The following PTPN14 variants were observed in gnomAD, a reference collection of about 807,000 sequenced individuals.
The protein encoded by PTPN14 is tyrosine-protein phosphatase non-receptor type 14.
A neutral mutation model predicts 126.8 loss-of-function variants in PTPN14; 53 were observed. The observed-to-expected ratio is 0.42, with a 90% confidence interval of 0.34 to 0.53. The LOEUF (loss-of-function observed/expected upper bound fraction) is 0.53, where lower values mean the gene tolerates loss of function less well. PTPN14 is among the 20% of genes least tolerant of loss of function. The pLI, the probability that PTPN14 is intolerant of heterozygous loss-of-function variation, is 0.08. For synonymous variants in PTPN14, 630 were observed against 599.3 expected, an observed-to-expected ratio of 1.05 and a Z score of -0.75; for missense variants, 1,257 against 1,552.9, an observed-to-expected ratio of 0.81 and a Z score of 3.20.
chr1:214,366,029 G>C (rs1160802232), intron 17 of PTPN14, among the ~76,000 whole-genome samples: 1 of 152,138 alleles, frequency 6.6e-6, no homozygotes, highest in African/African-American at 2.4e-5. Context: ...GTCGGATGTG[G>C]TGGCACGAGC....
intron 10 of PTPN14, among the ~76,000 whole-genome samples, chr1:214,392,646 G>A (rs1448157418): frequency 1.3e-5 from 2 of 152,142 alleles, no homozygotes; most frequent in Non-Finnish European, 2.9e-5. Context: ...AATGTGTCTA[G>A]AAGAAACGTA....
Position 214,383,788 on chromosome 1 carries a change from G to C in PTPN14, c.2067C>G (p.Leu689=). 1.2e-6 allele frequency: 2 copies of C among 1,612,982 alleles called. No homozygotes were observed. The highest frequency in any genetic ancestry group is 8.5e-7 in the Non-Finnish European group (1 of 1,180,030). Residue 689 remains leucine (L), a synonymous_variant, in exon 13 of 19, where the codon CTC becomes CTG. Transcript: ENST00000366956. The surrounding 1 kb of genome is among the most constrained non-coding windows in gnomAD (Gnocchi z 4.4). The stretch of plus-strand genomic sequence containing the variant: ...AGGTCTTCTTGTGGTGATACTGAGG[G>C]AGCTGGGGGACCTCGTGGCTGCCTG... ...EGSGSHEVPQ[L]PQYHHKKTFS...
intron 2 of PTPN14, among the ~76,000 whole-genome samples, chr1:214,462,576 C>T (rs1278755954): frequency 6.6e-6 from 1 of 152,214 alleles, no homozygotes; most frequent in Non-Finnish European, 1.5e-5. Context: ...TGTTCATCTT[C>T]CATCAACTCT....
intron 3 of PTPN14, among the ~76,000 whole-genome samples, chr1:214,424,780 C>T (rs1346126749): frequency 1.3e-5 from 2 of 152,190 alleles, no homozygotes; most frequent in African/African-American, 4.8e-5. Flanking sequence ...AACTCCTGAC[C>T]TCAGACGATC....
intron 1 of PTPN14, among the ~76,000 whole-genome samples, chr1:214,475,311 A>G (rs1660844743): frequency 6.6e-6 from 1 of 152,222 alleles, no homozygotes; most frequent in Non-Finnish European, 1.5e-5. Context: ...ACCAAAAGCA[A>G]TAGTTTTTCC....
intron 1 of PTPN14, among the ~76,000 whole-genome samples, chr1:214,472,869 C>T (rs896502353): frequency 1.9e-4 from 29 of 152,184 alleles, no homozygotes; most frequent in African/African-American, 5.8e-4. Flanking sequence ...ACGTTCCTTG[C>T]AACAAATACA....
intron 2 of PTPN14, among the ~76,000 whole-genome samples, chr1:214,463,937 T>C (rs978309928): frequency 4.6e-5 from 7 of 152,120 alleles, no homozygotes; most frequent in African/African-American, 1.7e-4. Flanking sequence ...TCTGTATGAC[T>C]GAAAAAAGAA....
chr1:214,461,157 T>C (rs868137791), intron 2 of PTPN14, among the ~76,000 whole-genome samples: 1 of 151,864 alleles, frequency 6.6e-6, no homozygotes, highest in African/African-American at 2.4e-5. Context: ...GTATTAAAAA[T>C]TATCTAATAA....
chr1:214,411,653 A>T (rs779824182), intron 5 of PTPN14, 31 bp downstream of exon 5: 2 of 1,405,622 alleles, frequency 1.4e-6, no homozygotes, highest in Admixed American at 2.1e-5. Flanking sequence ...GAAGGTAGAA[A>T]ATTAATTAAG....
At chr1:214,402,804 T>A (rs1219385175) in intron 6 of PTPN14, 79 bp downstream of exon 6, 1 of 1,492,868 alleles carries the variant, frequency 6.7e-7, no homozygotes, top group East Asian at 2.3e-5. Context: ...GAGTTGCTGA[T>A]AGGGAGATGG....
intron 2 of PTPN14, among the ~76,000 whole-genome samples, chr1:214,463,147 G>A (rs1660549511): frequency 6.6e-6 from 1 of 152,086 alleles, no homozygotes; most frequent in African/African-American, 2.4e-5. Context: ...ATGCATATGA[G>A]GAATAATTAG....
At chr1:214,488,664 A>G (rs1661168178) in intron 1 of PTPN14, among the ~76,000 whole-genome samples, 1 of 152,240 alleles carries the variant, frequency 6.6e-6, no homozygotes, top group Admixed American at 6.5e-5. Context: ...CTGTGGATCT[A>G]AAGATGAGTA....
chr1:214,423,224 GT>G (rs1476837535), intron 3 of PTPN14, among the ~76,000 whole-genome samples: 2 of 152,164 alleles, frequency 1.3e-5, no homozygotes, highest in East Asian at 3.8e-4. Flanking sequence ...TACTCAGGAG[GT>G]GGAGGTGGGA....
In PTPN14 at chr1:214,551,379, G is replaced by A. The variant is rs77364979; in HGVS notation, c.-351C>T. The A allele has an allele frequency of 0.068, 10,424 of 152,598 alleles. 1,173 individuals are homozygous for A. The highest frequency in any genetic ancestry group is 0.24 in the African/African-American group (9,897 of 41,544). 9.5% of individuals were successfully genotyped at this position (152,598 alleles called of 1,614,324 possible). ...GAGAGTCCGAGCAGAGGCGCACCGG[G>A]GGAGAAAAGGAGAAAAACCTAAGCA... On this transcript the variant is annotated 5_prime_UTR_variant, in exon 1 of 19. Coordinates refer to ENST00000366956, the MANE Select transcript of PTPN14 (RefSeq NM_005401.5).
rs1227440878 is a variant in PTPN14 at position 214,356,388 on chromosome 1, G to A, written c.*1534C>T. ...GATGTGGCATCAAATTAACTAGAAA[G>A]AGCACGCCTGTGACTTCCCATCACC... On this transcript the variant is annotated 3_prime_UTR_variant, in exon 19 of 19. Transcript: ENST00000366956. 2 of 152,176 alleles carry A rather than the reference G, an allele frequency of 1.3e-5. No homozygotes were observed. The highest frequency in any genetic ancestry group is 3.8e-4 in the East Asian group (2 of 5,200). The allele number at this position is 152,176 out of a possible 1,614,324, so 9.4% of individuals were successfully genotyped here. A position where few individuals can be genotyped will look rare whatever the true frequency, so the allele number is the denominator to read the frequency against.
chr1:214,392,251 C>CATT (rs1658773016), intron 10 of PTPN14, among the ~76,000 whole-genome samples: 1 of 151,938 alleles, frequency 6.6e-6, no homozygotes, highest in African/African-American at 2.4e-5. Context: ...AGGTTTTAAT[C>CATT]AGGTAAGAGG....
intron 8 of PTPN14, among the ~76,000 whole-genome samples, chr1:214,397,572 A>C (rs760767059): frequency 1.3e-5 from 2 of 152,188 alleles, no homozygotes; most frequent in Non-Finnish European, 2.9e-5. Flanking sequence ...ATCAGTTGGC[A>C]CTCTTGTGGC....
chr1:214,460,080 C>T (rs893212757), intron 2 of PTPN14, among the ~76,000 whole-genome samples: 2 of 152,138 alleles, frequency 1.3e-5, no homozygotes, highest in African/African-American at 2.4e-5. Context: ...GGGTTTGAAC[C>T]GGCCTCACAA....
intron 1 of PTPN14, among the ~76,000 whole-genome samples, chr1:214,499,655 C>T (rs867172902): frequency 6.6e-6 from 1 of 152,156 alleles, no homozygotes; most frequent in Non-Finnish European, 1.5e-5. Flanking sequence ...CATGGTAAAA[C>T]TATCCATTTA....
Sources: allele counts gnomAD v4.1 joint callset (sites outside exome capture counted in the v4.1 genomes callset), GRCh38; gene constraint gnomAD v4.1.1; non-coding constraint Gnocchi (gnomAD v3.1); transcripts MANE v1.5; gene names NCBI Gene and HGNC (gene_info 2026-07-23, HGNC 2026-07-21).